The following ARIH1 variants were observed in gnomAD, a reference collection of about 807,000 sequenced individuals.
ARIH1 encodes ariadne RBR E3 ubiquitin protein ligase 1, also known as E3 ubiquitin-protein ligase ARIH1.
Under a neutral mutation model 85.0 loss-of-function variants are expected in ARIH1, and 8 were observed. The ratio of observed to expected loss-of-function variants is 0.09; its 90% CI spans 0.06 to 0.17. ARIH1 has a LOEUF of 0.17. ARIH1 is among the 10% of genes least tolerant of loss of function. The probability of loss-of-function intolerance (pLI) is 1.00; values close to 1 mark genes in which losing one functional copy is unlikely to be tolerated. For synonymous variants in ARIH1, 238 were observed against 253.6 expected (o/e 0.94, Z 0.59); for missense variants, 311 against 718.1 (o/e 0.43, Z 6.48).
At chr15:72,511,245 AT>A (rs1225619843) in intron 1 of ARIH1, among the ~76,000 whole-genome samples, 1 of 152,080 alleles carries the variant, frequency 6.6e-6, no homozygotes. Context: ...GGCACTTTAA[AT>A]TTTTTTGATC....
Position 72,552,179 on chromosome 15 carries a change from A to G in ARIH1, c.589-3092A>G, listed in dbSNP as rs2064155561. On this transcript the variant is annotated intron_variant, in intron 3 of 13. Transcript: ENST00000379887. ...TCAATGCAGTAGTATAGTAGGAAAA[A>G]AAAAGGCAGTGTAAAGGTTCATTAA... is the stretch of plus-strand genomic sequence containing the variant. Among the ~76,000 whole-genome samples the G allele has an allele frequency of 3.3e-5, 5 of 152,380 alleles. No individual in the cohort carries two copies. In the South Asian group the frequency reaches 1.0e-3, roughly 32 times the overall value.
intron 7 of ARIH1, among the ~76,000 whole-genome samples, chr15:72,565,632 A>G (rs917343562): frequency 2.0e-5 from 3 of 152,196 alleles, no homozygotes; most frequent in East Asian, 1.9e-4. Flanking sequence ...CTACTTTCCA[A>G]TGTATTTTTA....
intron 1 of ARIH1, among the ~76,000 whole-genome samples, chr15:72,490,236 CCTT>C (rs376253032): frequency 5.4e-5 from 8 of 149,344 alleles, no homozygotes; most frequent in East Asian, 1.9e-4. Context: ...TGAAATGTCT[CCTT>C]CTCAAAAAAA....
chr15:72,488,058 A>G (rs1037495108), intron 1 of ARIH1, among the ~76,000 whole-genome samples: 4 of 151,666 alleles, frequency 2.6e-5, no homozygotes, highest in African/African-American at 9.7e-5. Flanking sequence ...TTCTTGAGAC[A>G]GGGTTTTTGC....
intron 3 of ARIH1, among the ~76,000 whole-genome samples, chr15:72,545,924 AACT>A (rs2064127057): frequency 6.6e-6 from 1 of 152,248 alleles, no homozygotes; most frequent in Non-Finnish European, 1.5e-5. Context: ...TGTCTAAGAT[AACT>A]TAATTCTATG....
At chr15:72,480,782 C>T (rs1405762063) in intron 1 of ARIH1, among the ~76,000 whole-genome samples, 2 of 152,108 alleles carry the variant, frequency 1.3e-5, no homozygotes, top group African/African-American at 4.8e-5. Context: ...TCAGGCTGGT[C>T]TCAAACTCCC....
At chr15:72,552,565 C>T (rs1567354171) in intron 3 of ARIH1, among the ~76,000 whole-genome samples, 1 of 152,106 alleles carries the variant, frequency 6.6e-6, no homozygotes, top group African/African-American at 2.4e-5. Context: ...GCTGGGCTTA[C>T]AGGCGTGAGC....
rs2064382638 is a variant in ARIH1, at chr15:72,601,645, G to T, written c.*18353G>T. 1 of 152,006 alleles carries T rather than the reference G, an allele frequency of 6.6e-6. No homozygotes were observed. Among genetic ancestry groups the T allele is most frequent in the Non-Finnish European group, 1.5e-5 (1 of 68,018 alleles). 9.4% of individuals were successfully genotyped at this position (152,006 alleles called of 1,614,324 possible). On this transcript the variant is annotated 3_prime_UTR_variant, in exon 14 of 14. Coordinates refer to ENST00000379887, the MANE Select transcript of ARIH1 (RefSeq NM_005744.5). The stretch of plus-strand genomic sequence containing the variant: ...TCCCTGTCCAAACAAGTCTAGATTG[G>T]CTCCCCATTGTTTGTTCTAACTGTT...
chr15:72,507,394 C>A (rs1039385162), intron 1 of ARIH1, among the ~76,000 whole-genome samples: 1 of 152,080 alleles, frequency 6.6e-6, no homozygotes. Flanking sequence ...ATGTGTGCAT[C>A]CAGATTATGA....
At chr15:72,491,476 G>A (rs974410635) in intron 1 of ARIH1, among the ~76,000 whole-genome samples, 5 of 152,062 alleles carry the variant, frequency 3.3e-5, no homozygotes, top group Non-Finnish European at 5.9e-5. Context: ...TTTGATCAGT[G>A]TATTAATTTT....
chr15:72,574,779 T>C (rs1242521139), intron 11 of ARIH1, among the ~76,000 whole-genome samples: 4 of 152,074 alleles, frequency 2.6e-5, no homozygotes. Context: ...CCAAGTAAAT[T>C]TTATTTACTG....
At chr15:72,533,052 T>C (rs763403349) in intron 2 of ARIH1, among the ~76,000 whole-genome samples, 10 of 152,224 alleles carry the variant, frequency 6.6e-5, no homozygotes, top group Non-Finnish European at 1.2e-4. Flanking sequence ...AGCATTATAC[T>C]AGAAATGATT....
chr15:72,550,153 C>T (rs559516097), intron 3 of ARIH1, among the ~76,000 whole-genome samples: 2 of 152,124 alleles, frequency 1.3e-5, no homozygotes, highest in African/African-American at 4.8e-5. Context: ...ATTTTTCTAA[C>T]TTGTTTAATC....
rs2064383766 is a variant in ARIH1 at position 72,602,021 on chromosome 15, T to C, written c.*18729T>C. ...TCTTGGCAATTATTCAATATTAATA[T>C]GTAAATAGTTGCCTCTTTCTTTTTC... On this transcript the variant is annotated 3_prime_UTR_variant, in exon 14 of 14. Coordinates refer to ENST00000379887, the MANE Select transcript of ARIH1 (RefSeq NM_005744.5). 6.6e-6 allele frequency: 1 copy of C among 152,254 alleles called. No individual in the cohort carries two copies. The highest frequency in any genetic ancestry group is 2.1e-4 in the South Asian group (1 of 4,834). 9.4% of individuals were successfully genotyped at this position (152,254 alleles called of 1,614,324 possible).
chr15:72,509,108 A>G (rs2063939246), intron 1 of ARIH1, among the ~76,000 whole-genome samples: 1 of 151,352 alleles, frequency 6.6e-6, no homozygotes, highest in Admixed American at 6.6e-5. Context: ...CTCATGCCTC[A>G]GCCACCCAAG....
At chr15:72,485,511 A>C (rs2063834276) in intron 1 of ARIH1, among the ~76,000 whole-genome samples, 1 of 152,008 alleles carries the variant, frequency 6.6e-6, no homozygotes, top group Non-Finnish European at 1.5e-5. Flanking sequence ...ATCTCAATAC[A>C]GTGTTTGCCT....
chr15:72,561,315 C>A, intron 5 of ARIH1, 168 bp from the exon 6 acceptor site: 1 of 509,576 alleles, frequency 2.0e-6, no homozygotes, highest in Non-Finnish European at 3.4e-6. Context: ...AATTATTGTT[C>A]TGATCAGTAC....
In ARIH1 at chr15:72,499,382, G is replaced by C. The variant is rs545945157; in HGVS notation, c.376-18685G>C. 4.0e-5 allele frequency among the ~76,000 whole-genome samples: 6 copies of C among 150,712 alleles called. No individual in the cohort carries two copies. The South Asian group carries it at 1.3e-3, about 31-fold the overall frequency. On this transcript the variant is annotated intron_variant, in intron 1 of 13. Coordinates refer to ENST00000379887, the MANE Select transcript of ARIH1 (RefSeq NM_005744.5). ...AAATGTAAATGTTATATCTTACAAT[G>C]ATTACATTTATAGCTTTAATATGTC...
rs952376458 is a variant in ARIH1 at position 72,582,636 on chromosome 15, G to T, written c.1589+449G>T. Among the ~76,000 whole-genome samples the T allele has an allele frequency of 6.6e-6, 1 of 151,550 alleles. No homozygotes were observed. On this transcript the variant is annotated intron_variant, in intron 13 of 13. Coordinates refer to ENST00000379887, the MANE Select transcript of ARIH1 (RefSeq NM_005744.5). The surrounding 1 kb of genome is among the most constrained non-coding windows in gnomAD (Gnocchi z 4.6). ...TAAGGAGATACTTGTCCTAGGAGTC[G>T]ATTTTTCAAGATGTGCCGCCTCTTA...
Sources: gnomAD v4.1 joint callset for allele counts (sites outside exome capture counted in the v4.1 genomes callset) on GRCh38, gnomAD v4.1.1 for gene constraint, Gnocchi (gnomAD v3.1) non-coding constraint, MANE v1.5 for transcripts, NCBI Gene and HGNC (gene_info 2026-07-23, HGNC 2026-07-21) for gene names.